The following TMEM132C variants were observed in gnomAD, a reference collection of about 807,000 sequenced individuals.
TMEM132C encodes the protein transmembrane protein 132C, also known as protein phosphatase 1, regulatory subunit 152.
A neutral mutation model predicts 61.4 loss-of-function variants in TMEM132C; 29 were observed. The observed-to-expected ratio is 0.47, with a 90% CI of 0.35 to 0.64. The LOEUF is 0.64. Ranked by LOEUF, TMEM132C falls within the 30% of genes least tolerant of loss-of-function variation. The pLI, the probability that TMEM132C is intolerant of heterozygous loss-of-function variation, is 0.00. For missense variants in TMEM132C, 1,408 were observed against 1,476.9 expected, an observed-to-expected ratio of 0.95 and a Z score of 0.76; for synonymous variants, 656 against 633.1, an observed-to-expected ratio of 1.04 and a Z score of -0.54.
chr12:128,690,321 G>T (rs1392447769), intron 5 of TMEM132C, among the ~76,000 whole-genome samples: 2 of 152,168 alleles, frequency 1.3e-5, no homozygotes, highest in South Asian at 4.1e-4. Flanking sequence ...GTGGGGTTTT[G>T]GTTCCTTTTT....
intron 5 of TMEM132C, among the ~76,000 whole-genome samples, chr12:128,679,274 G>A (rs1954615724): frequency 6.6e-6 from 1 of 152,196 alleles, no homozygotes; most frequent in Non-Finnish European, 1.5e-5. Context: ...TTTAATCACT[G>A]GGAGGCTAGA....
chr12:128,579,130 C>T (rs551542268), intron 3 of TMEM132C, among the ~76,000 whole-genome samples: 12 of 152,290 alleles, frequency 7.9e-5, no homozygotes, highest in African/African-American at 2.2e-4. Context: ...TGGCCAGTGG[C>T]GCCATCTTAT....
intron 3 of TMEM132C, among the ~76,000 whole-genome samples, chr12:128,563,203 C>T (rs2136165160): frequency 6.6e-6 from 1 of 152,370 alleles, no homozygotes; most frequent in East Asian, 1.9e-4. Context: ...ATAGTCTCTA[C>T]TCAAATTCAA....
intron 1 of TMEM132C, among the ~76,000 whole-genome samples, chr12:128,396,190 A>G (rs1874948684): frequency 7.9e-6 from 1 of 126,710 alleles, no homozygotes; most frequent in African/African-American, 3.7e-5. Flanking sequence ...TTGTTTTTAC[A>G]TAATTGACAT....
intron 2 of TMEM132C, among the ~76,000 whole-genome samples, chr12:128,513,004 T>G (rs561433307): frequency 6.6e-6 from 1 of 151,888 alleles, no homozygotes; most frequent in East Asian, 1.9e-4. Context: ...GACCTTCCGG[T>G]GGGGGAAGCA....
At chr12:128,512,357 A>G (rs1872592686) in intron 2 of TMEM132C, among the ~76,000 whole-genome samples, 1 of 152,272 alleles carries the variant, frequency 6.6e-6, no homozygotes, top group South Asian at 2.1e-4. Context: ...CTTGTGCAAA[A>G]GTAACCACTC....
chr12:128,659,977 CT>C (rs1430115773), intron 4 of TMEM132C, among the ~76,000 whole-genome samples: 4 of 152,220 alleles, frequency 2.6e-5, no homozygotes, highest in South Asian at 4.1e-4. Flanking sequence ...GCGCTGCTGG[CT>C]TTGTGAATTT....
At chr12:128,272,076 G>A (rs1182367442) in intron 1 of TMEM132C, among the ~76,000 whole-genome samples, 2 of 152,184 alleles carry the variant, frequency 1.3e-5, no homozygotes, top group African/African-American at 4.8e-5. Context: ...ACCTCTTTGA[G>A]TGTATAGTTC....
At chr12:128,552,296 ATAT>A (rs1265901934) in intron 3 of TMEM132C, among the ~76,000 whole-genome samples, 5 of 152,348 alleles carry the variant, frequency 3.3e-5, no homozygotes, top group Non-Finnish European at 7.3e-5. Flanking sequence ...GAAAACCATA[ATAT>A]TCTGTAGATT....
chr12:128,285,054 G>C (rs557489645), intron 1 of TMEM132C, among the ~76,000 whole-genome samples: 2 of 152,138 alleles, frequency 1.3e-5, no homozygotes, highest in African/African-American at 2.4e-5. Flanking sequence ...TGAGGTAGGA[G>C]GATTGTTGAC....
intron 5 of TMEM132C, among the ~76,000 whole-genome samples, chr12:128,674,304 C>T (rs1044171144): frequency 2.6e-5 from 4 of 152,162 alleles, no homozygotes; most frequent in Non-Finnish European, 4.4e-5. Flanking sequence ...TCTTTTATTG[C>T]GGAATAGTAT....
At chr12:128,436,860 G>A (rs542359461) in intron 2 of TMEM132C, among the ~76,000 whole-genome samples, 2 of 152,170 alleles carry the variant, frequency 1.3e-5, no homozygotes, top group South Asian at 2.1e-4. Flanking sequence ...TGTTTATTGC[G>A]GCACTATTCA....
chr12:128,677,837 C>T (rs1954604703), intron 5 of TMEM132C, among the ~76,000 whole-genome samples: 1 of 152,212 alleles, frequency 6.6e-6, no homozygotes. Context: ...TAATGGATCC[C>T]AGTGCAGAGC....
At chr12:128,357,145 T>C (rs1873532174) in intron 1 of TMEM132C, among the ~76,000 whole-genome samples, 1 of 152,162 alleles carries the variant, frequency 6.6e-6, no homozygotes, top group Non-Finnish European at 1.5e-5. Context: ...TTTGAATATA[T>C]TTAAATGAAG....
chr12:128,310,113 G>C (rs528707919), intron 1 of TMEM132C, among the ~76,000 whole-genome samples: 2 of 152,132 alleles, frequency 1.3e-5, no homozygotes, highest in African/African-American at 4.8e-5. Flanking sequence ...GCAAACCTTT[G>C]ACTAATCAAG....
At chr12:128,603,549 C>G (rs1478298323) in intron 3 of TMEM132C, among the ~76,000 whole-genome samples, 1 of 152,156 alleles carries the variant, frequency 6.6e-6, no homozygotes, top group African/African-American at 2.4e-5. Context: ...GGAGTGGATG[C>G]TGGGCGGAGG....
At chr12:128,427,428 G>GTA (rs1251726209) in intron 2 of TMEM132C, among the ~76,000 whole-genome samples, 3,226 of 129,100 alleles carry the variant, frequency 0.025, 88 homozygotes, top group East Asian at 0.094. Flanking sequence ...GTGTGTGTGT[G>GTA]TATATATATT....
At chr12:128,450,794 TCTG>T (rs1565940137) in intron 2 of TMEM132C, among the ~76,000 whole-genome samples, 2 of 152,192 alleles carry the variant, frequency 1.3e-5, no homozygotes, top group South Asian at 4.1e-4. Flanking sequence ...TTCAAGGAAT[TCTG>T]CTGTGGATGC....
At chr12:128,547,414 A>AG (rs1873991266) in intron 3 of TMEM132C, among the ~76,000 whole-genome samples, 1 of 147,162 alleles carries the variant, frequency 6.8e-6, no homozygotes, top group Non-Finnish European at 1.5e-5. Context: ...AAAAAAAAAA[A>AG]TTAGCCGGGC....
Sources: allele counts gnomAD v4.1 joint callset (sites outside exome capture counted in the v4.1 genomes callset), GRCh38; gene constraint gnomAD v4.1.1; transcripts MANE v1.5; gene names NCBI Gene and HGNC (gene_info 2026-07-23, HGNC 2026-07-21).